Variants in ACBD6 observed in about 807,000 individuals in gnomAD.
ACBD6 encodes the protein acyl-CoA binding domain containing 6.
Under a neutral mutation model 37.2 loss-of-function variants are expected in ACBD6, and 28 were observed. The observed-to-expected ratio is 0.75, with a 90% CI of 0.56 to 1.03. The LOEUF (loss-of-function observed/expected upper bound fraction) is 1.03, where lower values mean the gene tolerates loss of function less well. ACBD6 is among the 50% of genes least tolerant of loss of function. ACBD6 has a pLI of 0.00. For synonymous variants in ACBD6, 113 were observed against 126.8 expected (o/e 0.89, Z 0.73); for missense variants, 340 against 337.4 (o/e 1.01, Z -0.06).
chr1:180,444,832 AG>A (rs1649418008), intron 3 of ACBD6, among the ~76,000 whole-genome samples: 1 of 152,214 alleles, frequency 6.6e-6, no homozygotes, highest in African/African-American at 2.4e-5. Flanking sequence ...GGAAAGGATA[AG>A]TTGTTGGCTA....
At chr1:180,350,691 T>C (rs931715974) in intron 6 of ACBD6, among the ~76,000 whole-genome samples, 7 of 152,168 alleles carry the variant, frequency 4.6e-5, no homozygotes, top group Non-Finnish European at 7.4e-5. Flanking sequence ...ATCCTTCAAA[T>C]ATCACCTAGC....
At chr1:180,429,106 T>G (rs1648712055) in intron 4 of ACBD6, among the ~76,000 whole-genome samples, 1 of 152,194 alleles carries the variant, frequency 6.6e-6, no homozygotes, top group African/African-American at 2.4e-5. Context: ...TGATCTTCAC[T>G]ATCAAAAACT....
intron 3 of ACBD6, among the ~76,000 whole-genome samples, chr1:180,458,055 C>T (rs1481622288): frequency 6.6e-6 from 1 of 152,130 alleles, no homozygotes; most frequent in African/African-American, 2.4e-5. Context: ...CTTGGCCTCC[C>T]AAAGTGCTGG....
chr1:180,483,015 C>T (rs528549226), intron 3 of ACBD6, among the ~76,000 whole-genome samples: 2 of 152,272 alleles, frequency 1.3e-5, no homozygotes, highest in East Asian at 1.9e-4. Flanking sequence ...TACAAGTTTA[C>T]AATCAGTATA....
chr1:180,390,318 C>G (rs57121397), intron 6 of ACBD6, among the ~76,000 whole-genome samples: 1 of 135,800 alleles, frequency 7.4e-6, no homozygotes, highest in African/African-American at 2.7e-5. Context: ...GTTGTAGATA[C>G]GCGGCATTAT....
At chr1:180,486,816 C>A (rs554629627) in intron 3 of ACBD6, among the ~76,000 whole-genome samples, 1 of 152,290 alleles carries the variant, frequency 6.6e-6, no homozygotes, top group South Asian at 2.1e-4. Flanking sequence ...CCCAAGTGAT[C>A]AAAGTTAACA....
intron 3 of ACBD6, among the ~76,000 whole-genome samples, chr1:180,461,199 AG>A (rs1368487047): frequency 6.6e-6 from 1 of 152,204 alleles, no homozygotes; most frequent in Non-Finnish European, 1.5e-5. Flanking sequence ...ACAAAAATAG[AG>A]AAAAAAAAGT....
intron 6 of ACBD6, among the ~76,000 whole-genome samples, chr1:180,379,454 A>C (rs79251669): frequency 0.043 from 6,593 of 152,238 alleles, 456 homozygotes; most frequent in African/African-American, 0.14. Context: ...AATTGATACT[A>C]AATAAGCTCA....
intron 3 of ACBD6, among the ~76,000 whole-genome samples, chr1:180,456,679 G>A (rs1006180888): frequency 2.6e-5 from 4 of 151,986 alleles, no homozygotes; most frequent in African/African-American, 7.3e-5. Flanking sequence ...TAGCTATGAA[G>A]AATATCAGAA....
intron 6 of ACBD6, among the ~76,000 whole-genome samples, chr1:180,319,430 A>C (rs1650965501): frequency 6.6e-6 from 1 of 152,192 alleles, no homozygotes; most frequent in African/African-American, 2.4e-5. Flanking sequence ...TAGGCATGCT[A>C]TGTGTAATAT....
At chr1:180,290,141 T>TTTG (rs999134888) in intron 7 of ACBD6, among the ~76,000 whole-genome samples, 4 of 151,628 alleles carry the variant, frequency 2.6e-5, no homozygotes, top group Non-Finnish European at 5.9e-5. Context: ...TGTGTGGGTT[T>TTTG]TTGTTGTTGT....
chr1:180,362,492 A>G (rs573536996), intron 6 of ACBD6, among the ~76,000 whole-genome samples: 124 of 152,314 alleles, frequency 8.1e-4, no homozygotes, highest in Non-Finnish European at 1.4e-3. Flanking sequence ...CTATCCCTAT[A>G]CCTTAAATAA....
At chr1:180,480,005 A>G (rs1444732521) in intron 3 of ACBD6, among the ~76,000 whole-genome samples, 1 of 152,140 alleles carries the variant, frequency 6.6e-6, no homozygotes, top group African/African-American at 2.4e-5. Flanking sequence ...AAAGAAAAAA[A>G]GAAAATACAA....
chr1:180,299,637 C>T (rs1043262116), intron 7 of ACBD6, among the ~76,000 whole-genome samples: 1 of 151,878 alleles, frequency 6.6e-6, no homozygotes, highest in Non-Finnish European at 1.5e-5. Flanking sequence ...GGTAACAGAA[C>T]AGATGGTGCT....
At position 180,452,833 on chromosome 1, in the gene ACBD6, G is replaced by A. The variant is rs144722884; in HGVS notation, c.385-22571C>T. Among the ~76,000 whole-genome samples, 7 of 152,238 alleles carry A rather than the reference G, an allele frequency of 4.6e-5. No homozygotes were observed. In the East Asian group the frequency reaches 1.3e-3, roughly 29 times the overall value. On this transcript the variant is annotated intron_variant, in intron 3 of 7. Coordinates refer to ENST00000367595, the MANE Select transcript of ACBD6 (RefSeq NM_032360.4). ...ATCTAGAAGAAATGGATAAATTCCT[G>A]GACGCATGCACCCTCCCAAGACTAA...
At chr1:180,435,592 C>G (rs1394393275) in intron 3 of ACBD6, 5 of 1,079,502 alleles carry the variant, frequency 4.6e-6, no homozygotes, top group Non-Finnish European at 7.0e-6. Flanking sequence ...TAACCCAGAG[C>G]AACTTTGCAG....
chr1:180,405,534 A>G (rs543073724), intron 5 of ACBD6, among the ~76,000 whole-genome samples: 1 of 152,288 alleles, frequency 6.6e-6, no homozygotes, highest in African/African-American at 2.4e-5. Flanking sequence ...TTTTGGGGGG[A>G]CTGATGATAA....
intron 6 of ACBD6, among the ~76,000 whole-genome samples, chr1:180,368,972 C>A (rs1180199058): frequency 6.6e-6 from 1 of 152,030 alleles, no homozygotes; most frequent in African/African-American, 2.4e-5. Context: ...AATCTCAATC[C>A]TTAAAAAAGG....
intron 3 of ACBD6, among the ~76,000 whole-genome samples, chr1:180,438,863 A>G (rs1649166624): frequency 1.3e-5 from 2 of 152,180 alleles, no homozygotes; most frequent in Admixed American, 6.5e-5. Context: ...CTGCGGTACC[A>G]TTCAGAATAG....
Sources: gnomAD v4.1 joint callset for allele counts (sites outside exome capture counted in the v4.1 genomes callset) on GRCh38, gnomAD v4.1.1 for gene constraint, MANE v1.5 for transcripts, NCBI Gene and HGNC (gene_info 2026-07-23, HGNC 2026-07-21) for gene names.